The following PDE8B variants were observed in gnomAD, a reference collection of about 807,000 sequenced individuals.
PDE8B encodes phosphodiesterase 8B.
PDE8B carries 26 observed loss-of-function variants against 101.3 expected under a neutral mutation model. That is an observed-to-expected ratio of 0.26 (90% CI 0.19 to 0.36). The LOEUF (loss-of-function observed/expected upper bound fraction) is 0.36. PDE8B is among the 10% of genes least tolerant of loss of function. The pLI is 1.00. For missense variants in PDE8B, 810 were observed against 1,163.1 expected (o/e 0.70, Z 4.42); for synonymous variants, 424 against 429.3 (o/e 0.99, Z 0.15).
At chr5:77,342,032 C>T (rs1391112187) in intron 6 of PDE8B, among the ~76,000 whole-genome samples, 1 of 152,118 alleles carries the variant, frequency 6.6e-6, no homozygotes, top group Non-Finnish European at 1.5e-5. Context: ...ATAGGAATGG[C>T]GTCTTGCAGT....
At chr5:77,232,014 A>G (rs779361148) in intron 1 of PDE8B, among the ~76,000 whole-genome samples, 1 of 152,256 alleles carries the variant, frequency 6.6e-6, no homozygotes. Context: ...GACACAGAGC[A>G]GGGCAGACAG....
chr5:77,312,765 A>AGAG (rs1374687818), intron 2 of PDE8B, among the ~76,000 whole-genome samples: 2 of 152,258 alleles, frequency 1.3e-5, no homozygotes, highest in African/African-American at 4.8e-5. Flanking sequence ...GGCAGTTACC[A>AGAG]TTAATGATAG....
At chr5:77,312,805 A>C (rs1289841874) in intron 2 of PDE8B, among the ~76,000 whole-genome samples, 1 of 146,078 alleles carries the variant, frequency 6.8e-6, no homozygotes, top group African/African-American at 2.4e-5. Context: ...ATAGAAGATG[A>C]TAAAATGCTC....
chr5:77,177,260 C>T, the PDE8B span, among the ~76,000 whole-genome samples: 2 of 152,072 alleles, frequency 1.3e-5, no homozygotes, highest in Non-Finnish European at 2.9e-5. Context: ...ATACAGTATC[C>T]CCCCCTTATC....
At chr5:77,091,169 G>A in the PDE8B span, among the ~76,000 whole-genome samples, 1 of 152,158 alleles carries the variant, frequency 6.6e-6, no homozygotes, top group African/African-American at 2.4e-5. Flanking sequence ...GTGATGTCGA[G>A]TAGAAGAGAA....
the PDE8B span, among the ~76,000 whole-genome samples, chr5:77,109,927 G>GTTTTTTTTTTTTT: frequency 7.4e-5 from 5 of 67,264 alleles, no homozygotes; most frequent in African/African-American, 2.9e-4. Flanking sequence ...TTGTATTTCA[G>GTTTTTTTTTTTTT]TTTTTTTTTT....
chr5:77,185,174 G>A, the PDE8B span, among the ~76,000 whole-genome samples: 1 of 152,216 alleles, frequency 6.6e-6, no homozygotes, highest in South Asian at 2.1e-4. Flanking sequence ...GCTTTTCAGT[G>A]TGTCCAGAAA....
the PDE8B span, among the ~76,000 whole-genome samples, chr5:77,100,623 T>A: frequency 1.3e-5 from 2 of 152,036 alleles, no homozygotes; most frequent in Non-Finnish European, 2.9e-5. Context: ...CAGAGAGCCT[T>A]GTCTCCAGGG....
At chr5:77,132,143 C>T in the PDE8B span, among the ~76,000 whole-genome samples, 1 of 152,094 alleles carries the variant, frequency 6.6e-6, no homozygotes, top group African/African-American at 2.4e-5. Flanking sequence ...TTCCCTAGGC[C>T]TGAAAAAATT....
chr5:77,185,568 T>G, the PDE8B span, among the ~76,000 whole-genome samples: 1 of 152,184 alleles, frequency 6.6e-6, no homozygotes, highest in Non-Finnish European at 1.5e-5. Context: ...AACCTAAGAA[T>G]TGTGTTGAAC....
the PDE8B span, among the ~76,000 whole-genome samples, chr5:77,109,360 T>C: frequency 6.6e-6 from 1 of 152,246 alleles, no homozygotes; most frequent in Admixed American, 6.5e-5. Flanking sequence ...CTGGAAACTT[T>C]GACCAGTGGG....
chr5:77,268,581 T>A (rs1027578357), intron 1 of PDE8B, among the ~76,000 whole-genome samples: 4 of 151,980 alleles, frequency 2.6e-5, no homozygotes, highest in Non-Finnish European at 5.9e-5. Context: ...ATTTAATTTT[T>A]AGCTCCCACA....
At chr5:77,096,728 G>C in the PDE8B span, among the ~76,000 whole-genome samples, 1 of 152,128 alleles carries the variant, frequency 6.6e-6, no homozygotes, top group Admixed American at 6.6e-5. Flanking sequence ...CGTGTTCCTC[G>C]GTTTGCAGTT....
Position 77,309,158 on chromosome 5 carries a change from G to C in PDE8B, c.340-2836G>C, listed in dbSNP as rs907567717. Among the ~76,000 whole-genome samples the C allele has an allele frequency of 2.2e-5, 3 of 134,538 alleles. No individual in the cohort carries two copies. In the East Asian group the frequency reaches 7.6e-4, roughly 34 times the overall value. The allele number at this position is 134,538 out of a possible 152,430, so 88.3% of individuals were successfully genotyped here. On this transcript the variant is annotated intron_variant, in intron 1 of 21. Coordinates refer to ENST00000264917, the MANE Select transcript of PDE8B (RefSeq NM_003719.5). Reference sequence around the variant, plus strand: ...GGCACCACTGCACTCCAGCCTGGGCGACAGAGTGAAACTCTGTCAGAAAGA... The same window carrying C: ...GGCACCACTGCACTCCAGCCTGGGCCACAGAGTGAAACTCTGTCAGAAAGA...
chr5:77,216,936 C>G (rs767975161), intron 1 of PDE8B, among the ~76,000 whole-genome samples: 2 of 152,188 alleles, frequency 1.3e-5, no homozygotes, highest in African/African-American at 2.4e-5. Context: ...AAGAGATGTT[C>G]AGTGTCACTG....
chr5:77,291,546 C>T, intron 1 of PDE8B: 1 of 1,603,092 alleles, frequency 6.2e-7, no homozygotes, highest in Non-Finnish European at 8.5e-7. Flanking sequence ...AAAACAGAGA[C>T]TTTCAAGTAG....
chr5:77,298,490 C>A (rs757195364), intron 1 of PDE8B, among the ~76,000 whole-genome samples: 3 of 152,140 alleles, frequency 2.0e-5, no homozygotes, highest in African/African-American at 7.2e-5. Flanking sequence ...ATGTGGGCAC[C>A]CCTGGAGGGG....
the PDE8B span, among the ~76,000 whole-genome samples, chr5:77,097,541 C>A: frequency 6.7e-6 from 1 of 149,750 alleles, no homozygotes; most frequent in Non-Finnish European, 1.5e-5. Context: ...GGACACAGAC[C>A]CATAAATCAT....
At chr5:77,099,707 G>A in the PDE8B span, among the ~76,000 whole-genome samples, 7 of 152,162 alleles carry the variant, frequency 4.6e-5, no homozygotes, top group African/African-American at 1.7e-4. Context: ...CGCCTCCCAG[G>A]TTCAAGCGAT....
Sources: allele counts gnomAD v4.1 joint callset (sites outside exome capture counted in the v4.1 genomes callset), GRCh38; gene constraint gnomAD v4.1.1; transcripts MANE v1.5; gene names NCBI Gene and HGNC (gene_info 2026-07-23, HGNC 2026-07-21).